PPM1H: variants seen among roughly 807,000 people sequenced by gnomAD.
The protein encoded by PPM1H is protein phosphatase 1H.
In PPM1H, 27 loss-of-function variants were observed where a neutral mutation model predicts 54.9. The observed-to-expected ratio is 0.49, with a 90% confidence interval of 0.36 to 0.68. The LOEUF is 0.68. Ranked by LOEUF, PPM1H falls within the 30% of genes least tolerant of loss-of-function variation. The pLI, the probability that PPM1H is intolerant of heterozygous loss-of-function variation, is 0.00. For missense variants in PPM1H, 596 were observed against 667.8 expected (o/e 0.89, Z 1.19); for synonymous variants, 305 against 270.8 (o/e 1.13, Z -1.24).
At chr12:62,676,033 C>G (rs573788407) in intron 8 of PPM1H, among the ~76,000 whole-genome samples, 1 of 152,338 alleles carries the variant, frequency 6.6e-6, no homozygotes, top group East Asian at 1.9e-4. Context: ...CATTGTGGGT[C>G]TGGGGTTTTT....
chr12:62,746,199 A>AAAAAAC (rs1039871539), intron 4 of PPM1H, among the ~76,000 whole-genome samples: 1 of 151,896 alleles, frequency 6.6e-6, no homozygotes, highest in Non-Finnish European at 1.5e-5. Flanking sequence ...TGTCTCAAAA[A>AAAAAAC]AAAAACAAAA....
At chr12:62,653,391 T>G (rs1415933667) in intron 9 of PPM1H, among the ~76,000 whole-genome samples, 1 of 152,224 alleles carries the variant, frequency 6.6e-6, no homozygotes, top group South Asian at 2.1e-4. Context: ...ATTCACTAAC[T>G]CCCTTTAGCA....
chr12:62,810,967 G>A (rs1181098301), intron 2 of PPM1H, among the ~76,000 whole-genome samples: 1 of 152,218 alleles, frequency 6.6e-6, no homozygotes, highest in Non-Finnish European at 1.5e-5. Context: ...AAATGAAAAT[G>A]TCATGGTTCT....
Position 62,686,401 on chromosome 12 carries a change from G to C in PPM1H, c.1245+3298C>G, listed in dbSNP as rs75216380. ...TCAAGACCTTTACGGATGCTTTTTGGAAAGTAGAAAGGTGAAGGCAACATT... is the reference window on the plus strand; with the variant it reads ...TCAAGACCTTTACGGATGCTTTTTGCAAAGTAGAAAGGTGAAGGCAACATT... On this transcript the variant is annotated intron_variant, in intron 8 of 9. Transcript: ENST00000228705. 9.6e-3 allele frequency among the ~76,000 whole-genome samples: 1,456 copies of C among 152,272 alleles called. 26 individuals are homozygous for C. The highest frequency in any genetic ancestry group is 0.033 in the African/African-American group (1,377 of 41,536).
chr12:62,885,991 T>G (rs1870574127), intron 1 of PPM1H, among the ~76,000 whole-genome samples: 1 of 152,232 alleles, frequency 6.6e-6, no homozygotes, highest in African/African-American at 2.4e-5. Context: ...ACCACAGTGC[T>G]ACTGCTTTAC....
chr12:62,746,720 G>T (rs1426315373), intron 4 of PPM1H, among the ~76,000 whole-genome samples: 1 of 152,206 alleles, frequency 6.6e-6, no homozygotes, highest in African/African-American at 2.4e-5. Context: ...GTTTCACCCT[G>T]CAGAATAAGG....
chr12:62,864,176 A>G (rs532553865), intron 1 of PPM1H, among the ~76,000 whole-genome samples: 40 of 152,306 alleles, frequency 2.6e-4, no homozygotes, highest in African/African-American at 9.6e-4. Context: ...CTCGACAACA[A>G]AAATTAGCCC....
intron 1 of PPM1H, among the ~76,000 whole-genome samples, chr12:62,834,950 G>C (rs968798819): frequency 6.6e-6 from 1 of 152,082 alleles, no homozygotes; most frequent in African/African-American, 2.4e-5. Flanking sequence ...GCTCAAGTGG[G>C]GGTTCAGCTG....
At chr12:62,921,960 C>T (rs895007262) in intron 1 of PPM1H, among the ~76,000 whole-genome samples, 1 of 152,198 alleles carries the variant, frequency 6.6e-6, no homozygotes, top group African/African-American at 2.4e-5. Flanking sequence ...TGTTAAAACA[C>T]ATGCTGTATT....
chr12:62,709,616 A>G (rs1298001621), intron 6 of PPM1H, among the ~76,000 whole-genome samples: 1 of 150,550 alleles, frequency 6.6e-6, no homozygotes, highest in Non-Finnish European at 1.5e-5. Context: ...CAAAACAACT[A>G]CTCCCTCCAC....
At chr12:62,925,428 A>G (rs553899694) in intron 1 of PPM1H, among the ~76,000 whole-genome samples, 5 of 152,190 alleles carry the variant, frequency 3.3e-5, no homozygotes, top group Non-Finnish European at 7.3e-5. Context: ...AAATACAAAA[A>G]TTAGCCAGGC....
In PPM1H at chr12:62,896,813, C is replaced by T. The variant is rs573779548; in HGVS notation, c.245+37679G>A. ...GACACATGCTCACATATGTTTATTG[C>T]GGCACTATTCACAATAGCAAAGACT... On this transcript the variant is annotated intron_variant, in intron 1 of 9. Transcript: ENST00000228705. Among the ~76,000 whole-genome samples, 69 of 152,092 alleles carry T rather than the reference C, an allele frequency of 4.5e-4. 1 individual carries two copies. Among genetic ancestry groups the T allele is most frequent in the African/African-American group, 8.7e-4 (36 of 41,464 alleles).
intron 4 of PPM1H, among the ~76,000 whole-genome samples, chr12:62,768,654 C>CA (rs11318247): frequency 2.7e-5 from 4 of 150,288 alleles, no homozygotes; most frequent in Admixed American, 6.6e-5. Context: ...GACTCTGTCT[C>CA]AAAAAAAAAG....
At chr12:62,826,894 C>T (rs1162361601) in intron 2 of PPM1H, among the ~76,000 whole-genome samples, 2 of 152,082 alleles carry the variant, frequency 1.3e-5, no homozygotes, top group African/African-American at 4.8e-5. Flanking sequence ...ATTATATGTC[C>T]ACTTTTCCCA....
At chr12:62,889,614 T>C (rs370153215) in intron 1 of PPM1H, among the ~76,000 whole-genome samples, 74 of 152,076 alleles carry the variant, frequency 4.9e-4, no homozygotes, top group African/African-American at 1.6e-3. Flanking sequence ...AGCCCAGAAA[T>C]AGACCCACAT....
intron 8 of PPM1H, among the ~76,000 whole-genome samples, chr12:62,687,594 A>G (rs1295013432): frequency 2.0e-5 from 3 of 151,518 alleles, no homozygotes; most frequent in Admixed American, 6.6e-5. Flanking sequence ...AGCTCTAGTA[A>G]GTTTCTGTTT....
chr12:62,833,287 G>A (rs1868406003), intron 1 of PPM1H, among the ~76,000 whole-genome samples: 1 of 152,136 alleles, frequency 6.6e-6, no homozygotes, highest in South Asian at 2.1e-4. Context: ...AGTGTGGTGT[G>A]TACACTGCTC....
intron 9 of PPM1H, among the ~76,000 whole-genome samples, chr12:62,664,637 T>A (rs560618905): frequency 8.1e-4 from 124 of 152,352 alleles, no homozygotes; most frequent in Middle Eastern, 3.4e-3. Flanking sequence ...TAGACATTCT[T>A]ATTACTGTTT....
intron 1 of PPM1H, among the ~76,000 whole-genome samples, chr12:62,882,017 C>A (rs1177044043): frequency 6.6e-6 from 1 of 152,148 alleles, no homozygotes; most frequent in African/African-American, 2.4e-5. Context: ...CTAAAAAAAT[C>A]CAAGAAACAT....
Sources: allele counts gnomAD v4.1 joint callset (sites outside exome capture counted in the v4.1 genomes callset), GRCh38; gene constraint gnomAD v4.1.1; transcripts MANE v1.5; gene names NCBI Gene and HGNC (gene_info 2026-07-23, HGNC 2026-07-21).